Variants in CD6 observed in about 807,000 individuals in gnomAD.
CD6 encodes T-cell differentiation antigen CD6.
Under a neutral mutation model 75.3 loss-of-function variants are expected in CD6, and 53 were observed. That is an observed-to-expected ratio of 0.70 (90% CI 0.56 to 0.88). CD6 has a LOEUF of 0.88. CD6 is among the 40% of genes least tolerant of loss of function. The pLI, the probability that CD6 is intolerant of heterozygous loss-of-function variation, is 0.00. For synonymous variants in CD6, 359 were observed against 381.5 expected (o/e 0.94, Z 0.69); for missense variants, 770 against 897.1 (o/e 0.86, Z 1.81).
chr11:61,002,892 C>T (rs1444586588), intron 1 of CD6, among the ~76,000 whole-genome samples: 1 of 152,210 alleles, frequency 6.6e-6, no homozygotes, highest in South Asian at 2.1e-4. Flanking sequence ...CAATAACCAA[C>T]ACACCCCTGT....
intron 1 of CD6, among the ~76,000 whole-genome samples, chr11:60,985,573 A>AATATAT (rs3072194): frequency 6.6e-6 from 1 of 151,192 alleles, no homozygotes; most frequent in Non-Finnish European, 1.5e-5. Flanking sequence ...AAGTAAATAG[A>AATATAT]ATATATATAT....
intron 1 of CD6, among the ~76,000 whole-genome samples, chr11:60,983,152 A>T (rs1260323686): frequency 6.7e-6 from 1 of 148,984 alleles, no homozygotes; most frequent in African/African-American, 2.5e-5. Context: ...GTTGGAGTGC[A>T]GTGTTGTGAT....
At chr11:60,977,076 C>T (rs957841505) in intron 1 of CD6, among the ~76,000 whole-genome samples, 7 of 152,128 alleles carry the variant, frequency 4.6e-5, no homozygotes, top group Non-Finnish European at 2.9e-5. Flanking sequence ...TCCTAGGGTG[C>T]TGGAGCTCGA....
intron 1 of CD6, among the ~76,000 whole-genome samples, chr11:60,973,799 G>A (rs546842199): frequency 2.6e-5 from 4 of 152,236 alleles, no homozygotes; most frequent in South Asian, 4.1e-4. Flanking sequence ...CATTAAACGC[G>A]GCTTCTGTAA....
intron 1 of CD6, among the ~76,000 whole-genome samples, chr11:60,979,612 C>T (rs1857491055): frequency 6.6e-6 from 1 of 151,998 alleles, no homozygotes; most frequent in Non-Finnish European, 1.5e-5. Flanking sequence ...ACCATAGGCA[C>T]CCACCACCAT....
At chr11:61,001,439 G>C (rs1858583494) in intron 1 of CD6, among the ~76,000 whole-genome samples, 1 of 152,044 alleles carries the variant, frequency 6.6e-6, no homozygotes, top group African/African-American at 2.4e-5. Flanking sequence ...TGGACCTTGT[G>C]ATCCACCCAC....
intron 1 of CD6, among the ~76,000 whole-genome samples, chr11:60,976,751 C>T (rs1001829033): frequency 2.6e-5 from 4 of 152,112 alleles, no homozygotes; most frequent in Admixed American, 6.5e-5. Flanking sequence ...TTTGATAGTC[C>T]GTGCCCTCTA....
At chr11:61,013,278 A>C (rs1027394830) in intron 6 of CD6, 145 bp from the exon 7 acceptor site, 2 of 913,216 alleles carry the variant, frequency 2.2e-6, no homozygotes, top group Non-Finnish European at 3.4e-6. Context: ...CACACACTTA[A>C]AAGCAATGAG....
rs146232748 is a variant in CD6 at position 61,013,877 on chromosome 11, G to A, written c.1292-42G>A. On this transcript the variant is annotated intron_variant, in intron 7 of 12. Coordinates refer to ENST00000313421, the MANE Select transcript of CD6 (RefSeq NM_006725.5). Reference sequence around the variant, plus strand: ...ACGGAACCAGGTAGACTGGGAGAGGGCAAAAAAATGACTTGTAGAATTTCT... The same window carrying A: ...ACGGAACCAGGTAGACTGGGAGAGGACAAAAAAATGACTTGTAGAATTTCT... The A allele has an allele frequency of 8.5e-4, 1,213 of 1,431,110 alleles. 1 individual carries two copies. Among genetic ancestry groups the A allele is most frequent in the Non-Finnish European group, 1.1e-3 (1,109 of 1,035,664 alleles). The allele number at this position is 1,431,110 out of a possible 1,614,324, so 88.7% of individuals were successfully genotyped here.
chr11:61,018,180 T>G, intron 11 of CD6, 109 bp from the exon 12 acceptor site: 1 of 1,296,782 alleles, frequency 7.7e-7, no homozygotes, highest in South Asian at 1.4e-5. Flanking sequence ...ACTTTGTCAT[T>G]TGCCAAGCTA....
intron 10 of CD6, 77 bp downstream of exon 10, chr11:61,017,627 G>C (rs1590730988): frequency 6.4e-7 from 1 of 1,568,474 alleles, no homozygotes; most frequent in African/African-American, 1.3e-5. Context: ...AGACCTTCCA[G>C]CAGGAACCTC....
rs61349237 is a variant in CD6, at chr11:60,994,457, C to CAAAAAAAA, written c.50-12110_50-12103dup. Among the ~76,000 whole-genome samples, 49 of 52,964 alleles carry CAAAAAAAA rather than the reference C, an allele frequency of 9.3e-4. 7 individuals are homozygous for CAAAAAAAA. The highest frequency in any genetic ancestry group is 4.5e-3 in the South Asian group (4 of 898). 34.7% of individuals were successfully genotyped at this position (52,964 alleles called of 152,430 possible). A position where few individuals can be genotyped will look rare whatever the true frequency, so the allele number is the denominator to read the frequency against. The stretch of plus-strand genomic sequence containing the variant: ...CTCATCCCCTCCCCAACACCCCCGC[C>CAAAAAAAA]AAAAAAAAAAAAAAGCTGAATTTCT... On this transcript the variant is annotated intron_variant, in intron 1 of 12. Coordinates refer to ENST00000313421, the MANE Select transcript of CD6 (RefSeq NM_006725.5).
At chr11:60,973,128 A>G (rs1857250036) in intron 1 of CD6, among the ~76,000 whole-genome samples, 1 of 152,194 alleles carries the variant, frequency 6.6e-6, no homozygotes, top group Admixed American at 6.5e-5. Flanking sequence ...AGTCGGGTCC[A>G]AAAGATTTTC....
At chr11:61,013,389 C>T (rs778068894) in intron 6 of CD6, 34 bp from the exon 7 acceptor site, 23 of 1,611,252 alleles carry the variant, frequency 1.4e-5, no homozygotes, top group Non-Finnish European at 1.6e-5. Context: ...GTGCCCATTC[C>T]TCTTTCTTCC....
At chr11:61,006,426 A>G (rs868475565) in intron 1 of CD6, 148 bp from the exon 2 acceptor site, 42 of 619,314 alleles carry the variant, frequency 6.8e-5, no homozygotes, top group African/African-American at 5.1e-4. Context: ...AGGGAGGCCA[A>G]TGCACCCAAA....
At chr11:60,994,417 G>C (rs1316530132) in intron 1 of CD6, among the ~76,000 whole-genome samples, 11 of 131,234 alleles carry the variant, frequency 8.4e-5, no homozygotes, top group Non-Finnish European at 1.6e-4. Context: ...GTCCAGCCTG[G>C]GCAACAGAGT....
Position 61,007,972 on chromosome 11 carries a change from C to T in CD6, c.469+62C>T, listed in dbSNP as rs1236557528. On this transcript the variant is annotated intron_variant, in intron 3 of 12. Transcript: ENST00000313421. The surrounding 1 kb of genome is among the most constrained non-coding windows in gnomAD (Gnocchi z 4.2). ...CCACTCCCCAGGCCTTCAGCCACTGCCCCTGGCTCCAGACCCTGGACGCAA... is the reference window on the plus strand; with the variant it reads ...CCACTCCCCAGGCCTTCAGCCACTGTCCCTGGCTCCAGACCCTGGACGCAA... 21 of 1,110,284 alleles carry T rather than the reference C, an allele frequency of 1.9e-5. No homozygotes were observed. Among genetic ancestry groups the T allele is most frequent in the Non-Finnish European group, 2.3e-5 (20 of 857,612 alleles). The allele number at this position is 1,110,284 out of a possible 1,614,324, so 68.8% of individuals were successfully genotyped here. A position where few individuals can be genotyped will look rare whatever the true frequency, so the allele number is the denominator to read the frequency against.
chr11:60,977,292 C>G (rs1857400269), intron 1 of CD6, among the ~76,000 whole-genome samples: 1 of 152,206 alleles, frequency 6.6e-6, no homozygotes, highest in Non-Finnish European at 1.5e-5. Flanking sequence ...TCCTTTAGGA[C>G]AGGAGCTTGG....
chr11:61,010,553 C>G (rs961727545), intron 5 of CD6, among the ~76,000 whole-genome samples: 7 of 152,208 alleles, frequency 4.6e-5, no homozygotes, highest in Non-Finnish European at 1.0e-4. Context: ...AATTCCAGCT[C>G]TGCCATTTAC....
Sources: allele counts gnomAD v4.1 joint callset (sites outside exome capture counted in the v4.1 genomes callset), GRCh38; gene constraint gnomAD v4.1.1; non-coding constraint Gnocchi (gnomAD v3.1); transcripts MANE v1.5; gene names NCBI Gene and HGNC (gene_info 2026-07-23, HGNC 2026-07-21).